Variants in PCF11 observed in about 807,000 individuals in gnomAD.
PCF11 encodes PCF11 cleavage and polyadenylation factor subunit.
Under a neutral mutation model 166.1 loss-of-function variants are expected in PCF11, and 19 were observed. The ratio of observed to expected loss-of-function variants is 0.11; its 90% CI spans 0.08 to 0.17. The LOEUF is 0.17. Among genes scored for constraint, PCF11 ranks in the 10% least tolerant of loss-of-function variants. The pLI, the probability that PCF11 is intolerant of heterozygous loss-of-function variation, is 1.00. For missense variants in PCF11, 1,565 were observed against 1,855.5 expected, an observed-to-expected ratio of 0.84 and a Z score of 2.88; for synonymous variants, 663 against 644.1, an observed-to-expected ratio of 1.03 and a Z score of -0.44.
chr11:83,171,615 C>T (rs1860694309), intron 8 of PCF11, among the ~76,000 whole-genome samples: 1 of 152,166 alleles, frequency 6.6e-6, no homozygotes, highest in Admixed American at 6.5e-5. Flanking sequence ...ACTTATACCT[C>T]TATGAAACAG....
chr11:83,178,500 A>G (rs1057211727), intron 11 of PCF11, among the ~76,000 whole-genome samples: 2 of 152,000 alleles, frequency 1.3e-5, no homozygotes, highest in African/African-American at 4.8e-5. Context: ...AGCATTTACA[A>G]TTAAAAAAAA....
chr11:83,184,643 C>CT, intron 15 of PCF11, 36 bp from the exon 16 acceptor site: 1 of 1,424,358 alleles, frequency 7.0e-7, no homozygotes, highest in Non-Finnish European at 9.8e-7. Flanking sequence ...GAATTTTGAA[C>CT]TTTCATCAGT....
chr11:83,173,638 A>G (rs1860767304), intron 9 of PCF11, among the ~76,000 whole-genome samples: 1 of 149,334 alleles, frequency 6.7e-6, no homozygotes, highest in African/African-American at 2.5e-5. Context: ...TTTATTGTTG[A>G]GCAGAGGATT....
At chr11:83,169,638 A>G (rs777946552) in exon 8 of PCF11, 4 of 1,614,050 alleles carry the variant, frequency 2.5e-6, no homozygotes, top group South Asian at 1.1e-5. Context: ...AACATCAGCA[A>G]GCATCAAGGT....
At chr11:83,165,723 T>C in exon 5 of PCF11, 1 of 1,613,796 alleles carries the variant, frequency 6.2e-7, no homozygotes. Flanking sequence ...TCCTGTGCAA[T>C]CTGAGAAAAG....
At chr11:83,181,082 C>T (rs1861069489) in exon 12 of PCF11, 2 of 1,605,672 alleles carry the variant, frequency 1.2e-6, no homozygotes, top group East Asian at 2.2e-5. Flanking sequence ...TTTACAACAT[C>T]ACAGACAGAT....
At chr11:83,168,009 T>C (rs903219168) in intron 7 of PCF11, 111 bp downstream of exon 7, 47 of 859,976 alleles carry the variant, frequency 5.5e-5, no homozygotes, top group African/African-American at 1.1e-4. Context: ...CCATTTTTTT[T>C]CCCATTTATT....
chr11:83,181,296 T>G, intron 12 of PCF11, 105 bp downstream of exon 12: 2 of 317,040 alleles, frequency 6.3e-6, no homozygotes, highest in Non-Finnish European at 1.1e-5. Context: ...AATTAAGTAA[T>G]TTAATAATTT....
chr11:83,162,392 G>A (rs774330891), intron 2 of PCF11, among the ~76,000 whole-genome samples: 7 of 152,314 alleles, frequency 4.6e-5, no homozygotes, highest in Non-Finnish European at 5.9e-5. Context: ...TTTGAGAAAT[G>A]TTTTTAAGTT....
intron 1 of PCF11, chr11:83,158,489 AC>A (rs1308180636): frequency 6.6e-6 from 1 of 151,680 alleles, no homozygotes; most frequent in Non-Finnish European, 1.5e-5. Flanking sequence ...GTTTTTCTTT[AC>A]CCCTTGACAG....
rs761019698 is a variant in PCF11 at position 83,167,717 on chromosome 11, A to G, written c.2092+212A>G. The G allele has an allele frequency of 2.0e-6, 3 of 1,492,506 alleles. No individual in the cohort carries two copies. Among genetic ancestry groups the G allele is most frequent in the Non-Finnish European group, 2.7e-6 (3 of 1,120,234 alleles). The allele number at this position is 1,492,506 out of a possible 1,614,324, so 92.5% of individuals were successfully genotyped here. A position where few individuals can be genotyped will look rare whatever the true frequency, so the allele number is the denominator to read the frequency against. ...TGACTGATGCCTTGTTGTCTGGAAT[A>G]GAATGTGAGCCATCCAAAAGTAAAC... On this transcript the variant is annotated intron_variant, in intron 7 of 15. Transcript: ENST00000298281. The surrounding 1 kb of genome is among the most constrained non-coding windows in gnomAD (Gnocchi z 4.2).
chr11:83,174,353 C>A (rs888691811), intron 9 of PCF11, among the ~76,000 whole-genome samples: 3 of 151,228 alleles, frequency 2.0e-5, no homozygotes, highest in Admixed American at 6.6e-5. Context: ...TAATAAGGTT[C>A]ATCCTTCAAA....
chr11:83,184,835 G>A, exon 16 of PCF11: 1 of 1,592,084 alleles, frequency 6.3e-7, no homozygotes, highest in Non-Finnish European at 8.5e-7. Flanking sequence ...TTGTACAGAG[G>A]AAAGCATAGC....
chr11:83,184,679 A>T (rs201979251), exon 16 of PCF11: 6 of 1,604,988 alleles, frequency 3.7e-6, no homozygotes, highest in Non-Finnish European at 5.1e-6. Flanking sequence ...CATTTTGTAG[A>T]CATCTTCATT....
chr11:83,170,116 CTAAAGCCACA>C, intron 8 of PCF11, 121 bp downstream of exon 8: 1 of 804,930 alleles, frequency 1.2e-6, no homozygotes, highest in South Asian at 2.2e-5. Context: ...TTAATGTACT[CTAAAGCCACA>C]TGCTAAGGAA....
chr11:83,185,498 A>G (rs1396158702), exon 16 of PCF11: 2 of 152,644 alleles, frequency 1.3e-5, no homozygotes, highest in South Asian at 2.1e-4. Flanking sequence ...AGAACCATCC[A>G]GATGTTCACT....
At chr11:83,168,177 T>C (rs1186938192) in intron 7 of PCF11, among the ~76,000 whole-genome samples, 2 of 152,142 alleles carry the variant, frequency 1.3e-5, no homozygotes, top group African/African-American at 4.8e-5. Context: ...ATTTTACAGA[T>C]AGGAAATAAA....
intron 15 of PCF11, chr11:83,184,151 CAAA>C (rs34996416): frequency 4.8e-4 from 37 of 77,560 alleles, no homozygotes; most frequent in South Asian, 1.3e-3. Context: ...AGCTCTGTCT[CAAA>C]AAAAAAAAAA....
At chr11:83,157,795 A>C (rs1411070124) in intron 1 of PCF11, 164 bp downstream of exon 1, 2 of 643,902 alleles carry the variant, frequency 3.1e-6, no homozygotes, top group Admixed American at 2.8e-5. Context: ...GGCTTCGAGC[A>C]TGGGCCTCTG....
Sources: gnomAD v4.1 joint callset for allele counts (sites outside exome capture counted in the v4.1 genomes callset) on GRCh38, gnomAD v4.1.1 for gene constraint, Gnocchi (gnomAD v3.1) non-coding constraint, MANE v1.5 for transcripts, NCBI Gene and HGNC (gene_info 2026-07-23, HGNC 2026-07-21) for gene names.